TENM2: variants seen among roughly 807,000 people sequenced by gnomAD.
The protein encoded by TENM2 is teneurin transmembrane protein 2.
In TENM2, 52 loss-of-function variants were observed where a neutral mutation model predicts 245.2. The observed-to-expected ratio is 0.21, with a 90% CI of 0.17 to 0.27. The LOEUF is 0.27. Among genes scored for constraint, TENM2 ranks in the 10% least tolerant of loss-of-function variants. The probability of loss-of-function intolerance (pLI) is 1.00; values close to 1 mark genes in which losing one functional copy is unlikely to be tolerated. For synonymous variants in TENM2, 1,363 were observed against 1,438.9 expected (o/e 0.95, Z 1.19); for missense variants, 3,046 against 3,666.8 (o/e 0.83, Z 4.37).
At chr5:167,820,602 A>C (rs1026531868) in intron 2 of TENM2, among the ~76,000 whole-genome samples, 1 of 152,186 alleles carries the variant, frequency 6.6e-6, no homozygotes, top group African/African-American at 2.4e-5. Context: ...GCTCCGGCTA[A>C]GATTGGTTAA....
At chr5:167,232,194 A>C in the TENM2 span, among the ~76,000 whole-genome samples, 2 of 152,106 alleles carry the variant, frequency 1.3e-5, no homozygotes, top group Admixed American at 1.3e-4. Flanking sequence ...CAGAGCCCCC[A>C]CACAGAGTCC....
intron 2 of TENM2, among the ~76,000 whole-genome samples, chr5:167,706,083 T>C (rs1187399846): frequency 6.9e-6 from 1 of 145,736 alleles, no homozygotes; most frequent in African/African-American, 2.5e-5. Flanking sequence ...ATACAGTGTG[T>C]GTATATATAT....
At chr5:168,082,076 C>T (rs189827641) in intron 7 of TENM2, among the ~76,000 whole-genome samples, 10 of 152,292 alleles carry the variant, frequency 6.6e-5, no homozygotes, top group South Asian at 2.1e-4. Flanking sequence ...ACCAATCAGA[C>T]GTAGATTTGG....
intron 12 of TENM2, chr5:168,129,616 C>G (rs1039699771): frequency 2.0e-5 from 3 of 152,210 alleles, no homozygotes; most frequent in Non-Finnish European, 2.9e-5. Context: ...ATACCTTGAT[C>G]AGTGAGATTT....
the TENM2 span, among the ~76,000 whole-genome samples, chr5:166,988,018 G>C: frequency 6.6e-6 from 1 of 152,134 alleles, no homozygotes; most frequent in East Asian, 1.9e-4. Context: ...TCATTTGTGG[G>C]AAGGGTAATA....
chr5:167,311,794 A>G (rs544557347), intron 1 of TENM2, among the ~76,000 whole-genome samples: 2 of 152,190 alleles, frequency 1.3e-5, no homozygotes, highest in Non-Finnish European at 2.9e-5. Context: ...TTTAAGACAA[A>G]ATTTAAATTT....
intron 3 of TENM2, among the ~76,000 whole-genome samples, chr5:167,890,439 C>T (rs545712983): frequency 5.3e-5 from 8 of 152,214 alleles, no homozygotes; most frequent in Non-Finnish European, 1.0e-4. Context: ...AGATCATGTC[C>T]TTTCCTTTAG....
At chr5:167,324,950 C>T (rs972253847) in intron 1 of TENM2, among the ~76,000 whole-genome samples, 2 of 152,170 alleles carry the variant, frequency 1.3e-5, no homozygotes, top group Admixed American at 1.3e-4. Context: ...TTACAAGAAA[C>T]TGCCTCAGTC....
rs1161589675 is a variant in TENM2 at position 167,801,137 on chromosome 5, T to A, written c.503-74849T>A. 5.2e-4 allele frequency among the ~76,000 whole-genome samples: 55 copies of A among 105,172 alleles called. 3 individuals carry two copies. Among genetic ancestry groups the A allele is most frequent in the African/African-American group, 2.1e-3 (52 of 25,362 alleles). The allele number at this position is 105,172 out of a possible 152,430, so 69.0% of individuals were successfully genotyped here. A position where few individuals can be genotyped will look rare whatever the true frequency, so the allele number is the denominator to read the frequency against. Reference sequence around the variant, plus strand: ...ATATATATATATATATATATATATATATATATATATATATATGTATATATT... The same window carrying A: ...ATATATATATATATATATATATATAAATATATATATATATATGTATATATT... On this transcript the variant is annotated intron_variant, in intron 2 of 28. Transcript: ENST00000518659.
chr5:168,032,302 A>G (rs2151958056), intron 5 of TENM2, among the ~76,000 whole-genome samples: 1 of 152,314 alleles, frequency 6.6e-6, no homozygotes, highest in South Asian at 2.1e-4. Context: ...TATTCGTGTT[A>G]GCTATGATTC....
At chr5:167,502,382 A>G (rs1465138490) in intron 2 of TENM2, among the ~76,000 whole-genome samples, 1 of 152,170 alleles carries the variant, frequency 6.6e-6, no homozygotes, top group Admixed American at 6.6e-5. Context: ...ATGAAAGAGA[A>G]ATGTATTATA....
At chr5:167,346,538 T>C (rs902805499) in intron 1 of TENM2, among the ~76,000 whole-genome samples, 1 of 152,098 alleles carries the variant, frequency 6.6e-6, no homozygotes, top group East Asian at 1.9e-4. Flanking sequence ...CAAAATAGAG[T>C]TCTCCGAGGT....
intron 17 of TENM2, among the ~76,000 whole-genome samples, chr5:168,202,912 ATC>A (rs1245264690): frequency 6.6e-6 from 1 of 152,096 alleles, no homozygotes; most frequent in African/African-American, 2.4e-5. Flanking sequence ...ACTTCATCTC[ATC>A]TCTCCTTACC....
At chr5:167,252,548 C>T in the TENM2 span, among the ~76,000 whole-genome samples, 6 of 152,120 alleles carry the variant, frequency 3.9e-5, no homozygotes, top group African/African-American at 7.2e-5. Flanking sequence ...GGGAAATGAA[C>T]ACACAGAAGC....
chr5:168,087,985 T>C (rs1792607392), intron 7 of TENM2, among the ~76,000 whole-genome samples: 2 of 152,182 alleles, frequency 1.3e-5, no homozygotes, highest in African/African-American at 2.4e-5. Context: ...CCAAAATAGA[T>C]GTCTTCTCTT....
chr5:167,442,330 G>A (rs965267706), intron 2 of TENM2, among the ~76,000 whole-genome samples: 2 of 152,108 alleles, frequency 1.3e-5, no homozygotes, highest in African/African-American at 4.8e-5. Context: ...TTTGCAATAT[G>A]TCTTTATTAT....
At chr5:167,744,421 C>T (rs75058726) in intron 2 of TENM2, among the ~76,000 whole-genome samples, 9,419 of 152,220 alleles carry the variant, frequency 0.062, 329 homozygotes, top group Middle Eastern at 0.092. Context: ...CCCTCCTAGC[C>T]ATGACTGAGT....
intron 2 of TENM2, among the ~76,000 whole-genome samples, chr5:167,786,057 C>CT (rs938604807): frequency 6.6e-6 from 1 of 152,168 alleles, no homozygotes; most frequent in Non-Finnish European, 1.5e-5. Flanking sequence ...ATTAAACCTC[C>CT]TTACCCAATG....
intron 2 of TENM2, among the ~76,000 whole-genome samples, chr5:167,398,928 T>C (rs1762222761): frequency 1.3e-5 from 2 of 152,216 alleles, no homozygotes; most frequent in Admixed American, 6.5e-5. Flanking sequence ...TGAAAGCTTA[T>C]AGATTTATCA....
Sources: allele counts gnomAD v4.1 joint callset (sites outside exome capture counted in the v4.1 genomes callset), GRCh38; gene constraint gnomAD v4.1.1; transcripts MANE v1.5; gene names NCBI Gene and HGNC (gene_info 2026-07-23, HGNC 2026-07-21).